Variants in TBCA observed in about 807,000 individuals in gnomAD.
TBCA encodes tubulin folding cofactor A.
In TBCA, 6 loss-of-function variants were observed where a neutral mutation model predicts 15.8. That is an observed-to-expected ratio of 0.38 (90% CI 0.21 to 0.75). TBCA has a LOEUF of 0.75. TBCA is among the 30% of genes least tolerant of loss of function. TBCA has a pLI of 0.46. For synonymous variants in TBCA, 32 were observed against 42.3 expected, an observed-to-expected ratio of 0.76 and a Z score of 0.94; for missense variants, 90 against 131.2, an observed-to-expected ratio of 0.69 and a Z score of 1.53.
At chr5:77,716,395 T>C (rs1746399866) in intron 1 of TBCA, among the ~76,000 whole-genome samples, 1 of 152,194 alleles carries the variant, frequency 6.6e-6, no homozygotes, top group Admixed American at 6.5e-5. Flanking sequence ...AGTTATGATA[T>C]TGGTATATCA....
At chr5:77,697,744 A>G (rs1175682432) in intron 2 of TBCA, among the ~76,000 whole-genome samples, 1 of 152,130 alleles carries the variant, frequency 6.6e-6, no homozygotes, top group African/African-American at 2.4e-5. Context: ...AGAGCAAAAT[A>G]AACCTAAAAC....
intron 1 of TBCA, among the ~76,000 whole-genome samples, chr5:77,765,299 T>C (rs997131147): frequency 2.5e-4 from 38 of 152,330 alleles, no homozygotes; most frequent in African/African-American, 8.2e-4. Flanking sequence ...AATTTCTACT[T>C]TGCAGAACCC....
intron 1 of TBCA, among the ~76,000 whole-genome samples, chr5:77,770,093 T>A (rs1043581769): frequency 9.2e-5 from 14 of 152,234 alleles, no homozygotes; most frequent in Non-Finnish European, 1.9e-4. Context: ...TGTGAGTGTT[T>A]TTTACTTGCA....
chr5:77,700,613 G>C (rs1382926115), intron 2 of TBCA, among the ~76,000 whole-genome samples: 1 of 152,142 alleles, frequency 6.6e-6, no homozygotes, highest in Non-Finnish European at 1.5e-5. Flanking sequence ...ATTGCTGGTG[G>C]GAACATAAAA....
At chr5:77,772,092 AAAAAG>A (rs1023783578) in intron 1 of TBCA, among the ~76,000 whole-genome samples, 2 of 152,094 alleles carry the variant, frequency 1.3e-5, no homozygotes, top group Admixed American at 6.5e-5. Flanking sequence ...TTAAAAAAAA[AAAAAG>A]AAAAGAATAG....
chr5:77,749,400 T>G (rs1747263105), intron 1 of TBCA, among the ~76,000 whole-genome samples: 2 of 152,264 alleles, frequency 1.3e-5, no homozygotes, highest in Non-Finnish European at 2.9e-5. Flanking sequence ...TGTTTATATG[T>G]TTTGATAAAT....
At chr5:77,770,312 A>T (rs1338286623) in intron 1 of TBCA, among the ~76,000 whole-genome samples, 1 of 152,256 alleles carries the variant, frequency 6.6e-6, no homozygotes, top group African/African-American at 2.4e-5. Context: ...CTACTCTGTC[A>T]AGGATTCATA....
chr5:77,700,825 G>A (rs1003508886), intron 2 of TBCA, among the ~76,000 whole-genome samples: 2 of 152,116 alleles, frequency 1.3e-5, no homozygotes, highest in African/African-American at 4.8e-5. Flanking sequence ...GTGGGGAAAG[G>A]ACACCCTTTT....
rs558469815 is a variant in TBCA at position 77,714,757 on chromosome 5, G to T, written c.54-6410C>A. Among the ~76,000 whole-genome samples the T allele has an allele frequency of 2.0e-5, 3 of 151,998 alleles. No homozygotes were observed. The East Asian group carries it at 5.8e-4, about 29-fold the overall frequency. On this transcript the variant is annotated intron_variant, in intron 1 of 3. Transcript: ENST00000380377. ...AATTTTTTGTATTTCTAGTAGAGACGGAGTTTCACCGTGTTAGCCAGGATG... is the reference window on the plus strand; with the variant it reads ...AATTTTTTGTATTTCTAGTAGAGACTGAGTTTCACCGTGTTAGCCAGGATG...
At chr5:77,722,514 A>G (rs1746549093) in intron 1 of TBCA, among the ~76,000 whole-genome samples, 1 of 152,020 alleles carries the variant, frequency 6.6e-6, no homozygotes. Context: ...TGGAAATTCC[A>G]AAGTGTATTT....
rs1335916322 is a variant in TBCA, at chr5:77,708,228, T to A, written c.159+14A>T. On this transcript the variant is annotated intron_variant, in intron 2 of 3. Transcript: ENST00000380377. The stretch of plus-strand genomic sequence containing the variant: ...TGTAAATGTTAGCTATTGTTATTTA[T>A]GATATAATTTTACCTGCTTTTTAAT... The A allele has an allele frequency of 8.1e-7, 1 of 1,239,166 alleles. No individual in the cohort carries two copies. 76.8% of individuals were successfully genotyped at this position (1,239,166 alleles called of 1,614,324 possible).
intron 1 of TBCA, among the ~76,000 whole-genome samples, chr5:77,716,384 C>G (rs747319582): frequency 3.3e-5 from 5 of 152,104 alleles, no homozygotes; most frequent in Non-Finnish European, 7.4e-5. Context: ...GTTCGACAGA[C>G]AGTTATGATA....
intron 1 of TBCA, among the ~76,000 whole-genome samples, chr5:77,739,489 A>G (rs781721106): frequency 1.1e-4 from 16 of 152,208 alleles, no homozygotes; most frequent in Non-Finnish European, 1.9e-4. Context: ...ATCTTGCTCT[A>G]TAGAGAAGGC....
chr5:77,770,390 T>C (rs555655993), intron 1 of TBCA, among the ~76,000 whole-genome samples: 7 of 152,300 alleles, frequency 4.6e-5, no homozygotes, highest in Admixed American at 1.3e-4. Flanking sequence ...TATCTGTAAA[T>C]AGCCTCCAAA....
intron 1 of TBCA, among the ~76,000 whole-genome samples, chr5:77,751,159 C>CTT (rs10573352): frequency 9.4e-4 from 77 of 81,706 alleles, no homozygotes; most frequent in East Asian, 1.8e-3. Flanking sequence ...TTCTTTCTTT[C>CTT]TTTTTTTTTT....
Position 77,751,542 on chromosome 5 carries a change from T to C in TBCA, c.53+24663A>G, listed in dbSNP as rs557600926. Among the ~76,000 whole-genome samples, 113 of 151,824 alleles carry C rather than the reference T, an allele frequency of 7.4e-4. 1 individual carries two copies. Among genetic ancestry groups the C allele is most frequent in the Non-Finnish European group, 1.3e-3 (88 of 67,920 alleles). On this transcript the variant is annotated intron_variant, in intron 1 of 3. Transcript: ENST00000380377. The stretch of plus-strand genomic sequence containing the variant: ...CCAAGAAGGGAGTCCATTAAGATGG[T>C]TGGGGGTGGGGGAGGGTTCCAATTT...
intron 1 of TBCA, among the ~76,000 whole-genome samples, chr5:77,725,672 TA>T (rs1681394093): frequency 6.6e-6 from 1 of 152,210 alleles, no homozygotes; most frequent in Non-Finnish European, 1.5e-5. Flanking sequence ...CGTTCCTCCG[TA>T]ATGTGTGTTG....
intron 1 of TBCA, among the ~76,000 whole-genome samples, chr5:77,735,263 G>C (rs762365901): frequency 1.3e-5 from 2 of 152,130 alleles, no homozygotes; most frequent in African/African-American, 2.4e-5. Flanking sequence ...ATTTTACTCA[G>C]ATTGGCAAAT....
In TBCA at chr5:77,744,531, C is replaced by CTTTTTTTTT. The variant is rs70991305; in HGVS notation, c.53+31665_53+31673dup. ...CCAGAAAACAGAATGTCTTATTCACCTTTTTTTTTTTTTTTTTTTTTTTGA... is the reference window on the plus strand; with the variant it reads ...CCAGAAAACAGAATGTCTTATTCACCTTTTTTTTTTTTTTTTTTTTTTTTTTTTTTTTGA... On this transcript the variant is annotated intron_variant, in intron 1 of 3. Coordinates refer to ENST00000380377, the MANE Select transcript of TBCA (RefSeq NM_004607.3). Among the ~76,000 whole-genome samples the CTTTTTTTTT allele has an allele frequency of 1.7e-4, 14 of 82,966 alleles. 1 individual carries two copies. Among genetic ancestry groups the CTTTTTTTTT allele is most frequent in the Admixed American group, 3.3e-4 (2 of 6,150 alleles). The allele number at this position is 82,966 out of a possible 152,430, so 54.4% of individuals were successfully genotyped here.
Sources: gnomAD v4.1 joint callset for allele counts (sites outside exome capture counted in the v4.1 genomes callset) on GRCh38, gnomAD v4.1.1 for gene constraint, MANE v1.5 for transcripts, NCBI Gene and HGNC (gene_info 2026-07-23, HGNC 2026-07-21) for gene names.